CNKSR2: variants seen among roughly 807,000 people sequenced by gnomAD.
CNKSR2 encodes the protein connector enhancer of kinase suppressor of Ras 2, also known as CNK homolog protein 2.
Under a neutral mutation model 84.4 loss-of-function variants are expected in CNKSR2, and 14 were observed. The observed-to-expected ratio is 0.17, with a 90% CI of 0.11 to 0.26. The LOEUF (loss-of-function observed/expected upper bound fraction) is 0.26, where lower values mean the gene tolerates loss of function less well. Ranked by LOEUF, CNKSR2 falls within the 10% of genes least tolerant of loss-of-function variation. CNKSR2 has a pLI of 1.00. For synonymous variants in CNKSR2, 275 were observed against 277.9 expected, an observed-to-expected ratio of 0.99 and a Z score of 0.10; for missense variants, 485 against 771.2, an observed-to-expected ratio of 0.63 and a Z score of 4.40.
At chrX:21,614,681 A>C (rs1602034780) in intron 20 of CNKSR2, among the ~76,000 whole-genome samples, 1 of 111,894 alleles carries the variant, frequency 8.9e-6, no homozygotes, top group East Asian at 2.8e-4. Context: ...AAAACACTGA[A>C]GATTAGCTAT....
At chrX:21,387,548 C>G (rs2089986798) in intron 1 of CNKSR2, among the ~76,000 whole-genome samples, 1 of 111,806 alleles carries the variant, frequency 8.9e-6, no homozygotes, top group Non-Finnish European at 1.9e-5. Flanking sequence ...TATTATCACG[C>G]CACCGTCCAT....
At chrX:21,520,488 A>C (rs2091771626) in intron 9 of CNKSR2, among the ~76,000 whole-genome samples, 1 of 109,763 alleles carries the variant, frequency 9.1e-6, no homozygotes, top group South Asian at 3.8e-4. Context: ...TGAAAAAAAA[A>C]CAAAGAATTG....
intron 19 of CNKSR2, 99 bp from the exon 20 acceptor site, chrX:21,608,972 C>T (rs2092533951): frequency 4.6e-6 from 5 of 1,093,355 alleles, no homozygotes; most frequent in Non-Finnish European, 6.0e-6. Context: ...CGTAAGAGTT[C>T]ATCTACTTAA....
At chrX:21,647,377 C>G (rs1377875621) in intron 20 of CNKSR2, among the ~76,000 whole-genome samples, 1 of 111,739 alleles carries the variant, frequency 8.9e-6, no homozygotes, top group Non-Finnish European at 1.9e-5. Context: ...GGTTAAGGTA[C>G]TGTACATTTT....
intron 8 of CNKSR2, chrX:21,503,505 C>G: frequency 7.7e-6 from 2 of 261,053 alleles, no homozygotes; most frequent in Non-Finnish European, 1.4e-5. Flanking sequence ...AATTGAGACT[C>G]AGAATAATTA....
At chrX:21,556,064 A>G (rs2092137244) in intron 11 of CNKSR2, among the ~76,000 whole-genome samples, 1 of 110,595 alleles carries the variant, frequency 9.0e-6, no homozygotes, top group South Asian at 3.8e-4. Context: ...TACTTGCCTT[A>G]GAAGGAAGGA....
At chrX:21,642,882 C>T in intron 20 of CNKSR2, 1 of 713,601 alleles carries the variant, frequency 1.4e-6, no homozygotes, top group Non-Finnish European at 1.7e-6. Flanking sequence ...CCTCTGTGCT[C>T]TAACCATTTT....
At chrX:21,532,691 T>C (rs2091896159) in intron 11 of CNKSR2, among the ~76,000 whole-genome samples, 1 of 111,589 alleles carries the variant, frequency 9.0e-6, no homozygotes, top group Non-Finnish European at 1.9e-5. Flanking sequence ...ATACTTAAAA[T>C]TGTTATAGTA....
intron 2 of CNKSR2, chrX:21,427,505 T>G (rs1307239040): frequency 9.0e-6 from 1 of 111,546 alleles, no homozygotes; most frequent in African/African-American, 3.3e-5. Flanking sequence ...GTGAGATTCC[T>G]TATCAACAAG....
At chrX:21,524,995 T>C (rs1345907622) in intron 9 of CNKSR2, among the ~76,000 whole-genome samples, 1 of 111,004 alleles carries the variant, frequency 9.0e-6, no homozygotes, top group Non-Finnish European at 1.9e-5. Context: ...ATGTTTTCTT[T>C]GCTACATTTC....
At chrX:21,485,287 A>G (rs767245394) in intron 5 of CNKSR2, among the ~76,000 whole-genome samples, 1 of 112,038 alleles carries the variant, frequency 8.9e-6, no homozygotes, top group East Asian at 2.8e-4. Flanking sequence ...GACATAATGA[A>G]AGAATGCTAT....
At chrX:21,596,911 G>A (rs1194369818) in intron 17 of CNKSR2, among the ~76,000 whole-genome samples, 1 of 111,323 alleles carries the variant, frequency 9.0e-6, no homozygotes, top group Non-Finnish European at 1.9e-5. Context: ...AGAAGGAGAG[G>A]TGTGATACTC....
intron 1 of CNKSR2, among the ~76,000 whole-genome samples, chrX:21,379,431 A>G (rs752549189): frequency 8.9e-6 from 1 of 112,258 alleles, no homozygotes; most frequent in Non-Finnish European, 1.9e-5. Context: ...GGCACCAACA[A>G]TTGTCTACTT....
At chrX:21,470,853 C>A in intron 5 of CNKSR2, 46 bp downstream of exon 5, 1 of 722,256 alleles carries the variant, frequency 1.4e-6, no homozygotes, top group South Asian at 3.1e-5. Flanking sequence ...AGGATATTTC[C>A]TTGTTCAACT....
intron 4 of CNKSR2, among the ~76,000 whole-genome samples, chrX:21,462,796 C>T (rs1256644933): frequency 1.9e-5 from 2 of 107,429 alleles, no homozygotes; most frequent in East Asian, 5.8e-4. Context: ...TCACTGCAAC[C>T]TCTGCCTCCT....
At chrX:21,598,008 CATATAT>C (rs201782311) in intron 17 of CNKSR2, among the ~76,000 whole-genome samples, 4 of 102,223 alleles carry the variant, frequency 3.9e-5, no homozygotes, top group African/African-American at 1.4e-4. Flanking sequence ...AAATCATACA[CATATAT>C]ATATATATAT....
intron 11 of CNKSR2, chrX:21,538,639 C>G (rs1284202593): frequency 1.8e-5 from 2 of 112,407 alleles, no homozygotes; most frequent in Non-Finnish European, 3.7e-5. Context: ...CCACAATAGG[C>G]TGTCTGCAAG....
intron 11 of CNKSR2, among the ~76,000 whole-genome samples, chrX:21,551,386 C>T (rs2147166008): frequency 8.9e-6 from 1 of 112,316 alleles, no homozygotes; most frequent in Admixed American, 9.4e-5. Context: ...AAAGAAAAAT[C>T]ACTTTTAATA....
chrX:21,654,490 C>A lies in CNKSR2; in HGVS notation c.*1969C>A, dbSNP rs1212889341. The A allele has an allele frequency of 2.7e-5, 3 of 109,195 alleles. No homozygotes were observed. Among genetic ancestry groups the A allele is most frequent in the South Asian group, 8.0e-4 (2 of 2,512 alleles). 9.0% of individuals were successfully genotyped at this position (109,195 alleles called of 1,213,427 possible). ...GACTAGCTCTGTTGCTACTAAGCAGCTTTTACTTTTGTAAAGTCAGCTCTG... is the reference window on the plus strand; with the variant it reads ...GACTAGCTCTGTTGCTACTAAGCAGATTTTACTTTTGTAAAGTCAGCTCTG... On this transcript the variant is annotated 3_prime_UTR_variant, in exon 22 of 22. Transcript: ENST00000379510.
Sources: gnomAD v4.1 joint callset for allele counts (sites outside exome capture counted in the v4.1 genomes callset) on GRCh38, gnomAD v4.1.1 for gene constraint, MANE v1.5 for transcripts, NCBI Gene and HGNC (gene_info 2026-07-23, HGNC 2026-07-21) for gene names.